Variants in RNLS observed in about 807,000 individuals in gnomAD.
RNLS encodes the protein renalase, FAD dependent amine oxidase, also known as renalase.
A neutral mutation model predicts 39.8 loss-of-function variants in RNLS; 39 were observed. That is an observed-to-expected ratio of 0.98 (90% confidence interval 0.76 to 1.28). The LOEUF is 1.28. RNLS is among the 50% of genes most tolerant of loss of function. The pLI, the probability that RNLS is intolerant of heterozygous loss-of-function variation, is 0.00. For missense variants in RNLS, 410 were observed against 413.3 expected (o/e 0.99, Z 0.07); for synonymous variants, 147 against 150.7 (o/e 0.98, Z 0.18).
chr10:88,347,840 T>G (rs1482635575), intron 5 of RNLS, among the ~76,000 whole-genome samples: 5 of 152,258 alleles, frequency 3.3e-5, no homozygotes, highest in Non-Finnish European at 7.4e-5. Flanking sequence ...AATTTTCTCC[T>G]CAATTAGGCA....
At chr10:88,518,409 T>C (rs1210784861) in intron 4 of RNLS, among the ~76,000 whole-genome samples, 1 of 151,872 alleles carries the variant, frequency 6.6e-6, no homozygotes, top group African/African-American at 2.4e-5. Flanking sequence ...AAAAAAAGGA[T>C]TGCTAAAGAA....
chr10:88,442,580 G>T (rs1337552240), intron 4 of RNLS, among the ~76,000 whole-genome samples: 1 of 151,858 alleles, frequency 6.6e-6, no homozygotes, highest in South Asian at 2.1e-4. Flanking sequence ...TATTTTACAG[G>T]TCTCTGCTGA....
At position 88,581,721 on chromosome 10, in the gene RNLS, C is replaced by T. The variant is rs2134507889; in HGVS notation, c.225-12G>A. ...GTTCATCATAAAAACTGAAATAAAT[C>T]AATATGTATATTTAATGTAATTATA... On this transcript the variant is annotated splice_polypyrimidine_tract_variant and intron_variant, in intron 2 of 6. Coordinates refer to ENST00000331772, the MANE Select transcript of RNLS (RefSeq NM_001031709.3). The T allele has an allele frequency of 1.3e-6, 2 of 1,529,232 alleles. No homozygotes were observed. The highest frequency in any genetic ancestry group is 2.1e-5 in the Admixed American group (1 of 47,996). The allele number at this position is 1,529,232 out of a possible 1,614,324, so 94.7% of individuals were successfully genotyped here.
chr10:88,232,906 G>A, the RNLS span, among the ~76,000 whole-genome samples: 1 of 152,204 alleles, frequency 6.6e-6, no homozygotes, highest in African/African-American at 2.4e-5. Flanking sequence ...TACTATTAAA[G>A]GAGTACCTAC....
chr10:88,385,882 T>C (rs552887715), intron 4 of RNLS, among the ~76,000 whole-genome samples: 2 of 152,370 alleles, frequency 1.3e-5, no homozygotes, highest in Admixed American at 6.5e-5. Flanking sequence ...GGTTTGTGCA[T>C]TGCTGTTTGG....
rs563661971 is a variant in RNLS at position 88,300,425 on chromosome 10, A to AGAG, written c.876+14040_876+14041insCTC. ...AAACTGAGCTACTGGTCATTCCTCA[A>AGAG]GTATTCTTTGCCTCTTTTGCTTCTG... On this transcript the variant is annotated intron_variant, in intron 6 of 6. Transcript: ENST00000331772. Among the ~76,000 whole-genome samples, 913 of 152,340 alleles carry AGAG rather than the reference A, an allele frequency of 6.0e-3. 5 individuals carry two copies. The highest frequency in any genetic ancestry group is 1.0e-2 in the Non-Finnish European group (678 of 68,026).
At chr10:88,223,031 C>T in the RNLS span, among the ~76,000 whole-genome samples, 3 of 152,214 alleles carry the variant, frequency 2.0e-5, no homozygotes, top group Admixed American at 6.5e-5. Flanking sequence ...AGCTCAAGCT[C>T]AAGGCAGTAT....
At chr10:88,543,808 T>C (rs1409906583) in intron 4 of RNLS, among the ~76,000 whole-genome samples, 1 of 152,174 alleles carries the variant, frequency 6.6e-6, no homozygotes, top group Non-Finnish European at 1.5e-5. Flanking sequence ...GTTTGTAAAA[T>C]AGGTCTTGAG....
intron 4 of RNLS, among the ~76,000 whole-genome samples, chr10:88,474,896 A>G (rs1049565851): frequency 3.9e-5 from 6 of 152,298 alleles, no homozygotes; most frequent in East Asian, 1.9e-4. Context: ...GACTGGGGAA[A>G]AGCAGGTAGC....
chr10:88,258,693 GA>G, the RNLS span, among the ~76,000 whole-genome samples: 20 of 152,204 alleles, frequency 1.3e-4, no homozygotes, highest in Non-Finnish European at 1.8e-4. Flanking sequence ...GCCACAGGAT[GA>G]GATAAGGCAG....
rs1029415297 is a variant in RNLS at position 88,410,326 on chromosome 10, C to T, written c.527-47601G>A. Among the ~76,000 whole-genome samples, 5 of 152,032 alleles carry T rather than the reference C, an allele frequency of 3.3e-5. No individual in the cohort carries two copies. In the East Asian group the frequency reaches 9.7e-4, roughly 29 times the overall value. On this transcript the variant is annotated intron_variant, in intron 4 of 6. Coordinates refer to ENST00000331772, the MANE Select transcript of RNLS (RefSeq NM_001031709.3). ...TGATTTTTACCATATAATTGTTTTC[C>T]TTATTATACTTTACTTTATTCTTAT...
chr10:88,382,696 G>C (rs1349082159), intron 4 of RNLS, among the ~76,000 whole-genome samples: 1 of 152,028 alleles, frequency 6.6e-6, no homozygotes, highest in Non-Finnish European at 1.5e-5. Context: ...AAAAGACAAG[G>C]CAAGTAATTT....
rs1848691769 is a variant in RNLS at position 88,351,332 on chromosome 10, ATGTT to A, written c.700+11216_700+11219del. Among the ~76,000 whole-genome samples the A allele has an allele frequency of 2.0e-5, 3 of 152,106 alleles. 1 individual carries two copies. The South Asian group carries it at 6.2e-4, about 32-fold the overall frequency. Reference sequence around the variant, plus strand: ...CCCTATGTCCTAAATGGTAATGCCTATGTTTTCTTCTATGGTTTTTATGGTTTTA... The same window carrying A: ...CCCTATGTCCTAAATGGTAATGCCTATTCTTCTATGGTTTTTATGGTTTTA... On this transcript the variant is annotated intron_variant, in intron 5 of 6. Coordinates refer to ENST00000331772, the MANE Select transcript of RNLS (RefSeq NM_001031709.3).
chr10:88,273,336 C>T (rs1169795996), downstream of RNLS, among the ~76,000 whole-genome samples: 4 of 152,162 alleles, frequency 2.6e-5, no homozygotes, highest in Non-Finnish European at 5.9e-5. Flanking sequence ...ACCTTGAAGA[C>T]ATTGAATATT....
intron 5 of RNLS, among the ~76,000 whole-genome samples, chr10:88,317,652 T>C (rs578006164): frequency 2.0e-5 from 3 of 152,356 alleles, no homozygotes; most frequent in East Asian, 1.9e-4. Flanking sequence ...CTTTGTTCTA[T>C]AACAGTCACC....
At chr10:88,387,917 A>T (rs981094760) in intron 4 of RNLS, among the ~76,000 whole-genome samples, 7 of 152,178 alleles carry the variant, frequency 4.6e-5, no homozygotes, top group Non-Finnish European at 1.0e-4. Context: ...CACCTTGAAA[A>T]CATAGATATA....
At chr10:88,387,082 T>C (rs534473957) in intron 4 of RNLS, among the ~76,000 whole-genome samples, 7 of 152,220 alleles carry the variant, frequency 4.6e-5, no homozygotes, top group Non-Finnish European at 4.4e-5. Flanking sequence ...TGCTTCAATA[T>C]TGAACATGGA....
chr10:88,347,059 A>C (rs1848357801), intron 5 of RNLS, among the ~76,000 whole-genome samples: 1 of 152,164 alleles, frequency 6.6e-6, no homozygotes, highest in Non-Finnish European at 1.5e-5. Flanking sequence ...GACCACAATG[A>C]AGACTTGTCA....
chr10:88,211,607 C>A, the RNLS span, among the ~76,000 whole-genome samples: 1 of 152,064 alleles, frequency 6.6e-6, no homozygotes, highest in Non-Finnish European at 1.5e-5. Flanking sequence ...GACGGGATAA[C>A]ATGTGTGAAG....
Sources: allele counts gnomAD v4.1 joint callset (sites outside exome capture counted in the v4.1 genomes callset), GRCh38; gene constraint gnomAD v4.1.1; transcripts MANE v1.5; gene names NCBI Gene and HGNC (gene_info 2026-07-23, HGNC 2026-07-21).